DSG3: variants seen among roughly 807,000 people sequenced by gnomAD.
The protein encoded by DSG3 is desmoglein-3.
DSG3 carries 63 observed loss-of-function variants against 85.9 expected under a neutral mutation model. That is an observed-to-expected ratio of 0.73 (90% CI 0.60 to 0.90). The LOEUF (loss-of-function observed/expected upper bound fraction) is 0.90. Among genes scored for constraint, DSG3 ranks in the 40% least tolerant of loss-of-function variants. The probability of loss-of-function intolerance (pLI) is 0.00; values close to 1 mark genes in which losing one functional copy is unlikely to be tolerated. For missense variants in DSG3, 1,220 were observed against 1,219.9 expected (o/e 1.00, Z 0.00); for synonymous variants, 447 against 441.9 (o/e 1.01, Z -0.14).
chr18:31,474,367 C>A lies in DSG3; in HGVS notation c.2348C>A (p.Ala783Glu), dbSNP rs200927289. The A allele has an allele frequency of 2.5e-6, 4 of 1,610,004 alleles. No homozygotes were observed. Among genetic ancestry groups the A allele is most frequent in the Non-Finnish European group, 2.5e-6 (3 of 1,177,584 alleles). ...ACCAATAAGGACTACGCTGATGGGG[C>A]GATAAGCATGAATTTTCTGGACTCC... ...GGTNKDYADG[A>E]ISMNFLDSYF... The change falls in exon 15 of 16, where the codon GCG (alanine) becomes GAG (glutamate). Residue 783 changes from alanine (A) to glutamate (E), a missense_variant. Transcript: ENST00000257189.
Position 31,459,028 on chromosome 18 carries a change from C to T in DSG3, c.373-5C>T. 1.2e-6 allele frequency: 2 copies of T among 1,612,892 alleles called. No homozygotes were observed. Among genetic ancestry groups the T allele is most frequent in the Non-Finnish European group, 1.7e-6 (2 of 1,179,726 alleles). On this transcript the variant is annotated splice_region_variant and splice_polypyrimidine_tract_variant and intron_variant, in intron 4 of 15. Transcript: ENST00000257189. ...TAATACTCCACATTTTCCCTCTGTT[C>T]CTAGATCACATGTCGGGCTCTAAAT...
intron 12 of DSG3, among the ~76,000 whole-genome samples, chr18:31,470,024 G>A (rs532011828): frequency 8.6e-5 from 13 of 152,004 alleles, no homozygotes; most frequent in African/African-American, 2.4e-4. Flanking sequence ...AAAACTATGC[G>A]TAAGTATCCT....
At chr18:31,474,043 A>G (rs2072871110) in intron 14 of DSG3, 78 bp from the exon 15 acceptor site, 2 of 1,431,150 alleles carry the variant, frequency 1.4e-6, no homozygotes, top group Non-Finnish European at 1.9e-6. Flanking sequence ...GACTGCTTAT[A>G]GACACCCAAG....
chr18:31,469,492 GAAAGA>G, intron 12 of DSG3, 143 bp downstream of exon 12: 5 of 1,165,868 alleles, frequency 4.3e-6, no homozygotes, highest in Non-Finnish European at 5.9e-6. Flanking sequence ...GGCATTTTCA[GAAAGA>G]ATCTGAAATG....
intron 5 of DSG3, 128 bp downstream of exon 5, chr18:31,459,305 C>A: frequency 1.1e-6 from 1 of 919,534 alleles, no homozygotes; most frequent in Non-Finnish European, 1.6e-6. Context: ...AAATAAAATT[C>A]ATTAAGATAA....
intron 14 of DSG3, among the ~76,000 whole-genome samples, chr18:31,473,010 T>A (rs1211535729): frequency 6.6e-6 from 1 of 152,246 alleles, no homozygotes; most frequent in African/African-American, 2.4e-5. Flanking sequence ...GCCACCATTG[T>A]CAATATCTAA....
chr18:31,460,698 C>A, intron 6 of DSG3, 135 bp from the exon 7 acceptor site: 1 of 778,998 alleles, frequency 1.3e-6, no homozygotes, highest in Non-Finnish European at 1.9e-6. Context: ...GACCTCCACC[C>A]AACCATCCAG....
At position 31,465,382 on chromosome 18, in the gene DSG3, T is replaced by C. The variant is rs762581943; in HGVS notation, c.1336T>C (p.Phe446Leu). 5.8e-6 allele frequency: 9 copies of C among 1,550,546 alleles called. No homozygotes were observed. Among genetic ancestry groups the C allele is most frequent in the Non-Finnish European group, 8.7e-7 (1 of 1,148,688 alleles). The change falls in exon 10 of 16, where the codon TTT becomes CTT. Residue 446 changes from phenylalanine (F) to leucine (L), a missense_variant. Phe to Leu is a conservative substitution (Grantham distance 22). Coordinates refer to ENST00000257189, the MANE Select transcript of DSG3 (RefSeq NM_001944.3). ...TGATTCAAAAACTGCTGAAATCAAA[T>C]TTGTCAAAAATATGAACCGAGATTC... ...MIDSKTAEIKFVKNMNRDSTF... is the reference protein window; with the variant it reads ...MIDSKTAEIKLVKNMNRDSTF...
intron 12 of DSG3, among the ~76,000 whole-genome samples, chr18:31,470,506 A>T (rs763424180): frequency 2.6e-5 from 4 of 152,044 alleles, no homozygotes; most frequent in Non-Finnish European, 5.9e-5. Flanking sequence ...ACACTCAGAG[A>T]TTTGGTTTTT....
intron 3 of DSG3, among the ~76,000 whole-genome samples, chr18:31,457,587 TCTTTCTTTCTTTCTTTCTTTCTTTC>T (rs1366659602): frequency 9.2e-4 from 33 of 35,740 alleles, no homozygotes; most frequent in Non-Finnish European, 1.8e-3. Context: ...CTTTCTTTCT[TCTTTCTTTCTTTCTTTCTTTCTTTC>T]TTTCTTTCTT....
rs368581013 is a variant in DSG3, at chr18:31,455,567, A to G, written c.49-873A>G. Among the ~76,000 whole-genome samples the G allele has an allele frequency of 2.5e-4, 38 of 152,372 alleles. No individual in the cohort carries two copies. The East Asian group carries it at 6.7e-3, about 27-fold the overall frequency. ...GTGTTGTACAAACTCAGAAAAAGAGACATCAGTAAAGACAATTTCATGGAG... is the reference window on the plus strand; with the variant it reads ...GTGTTGTACAAACTCAGAAAAAGAGGCATCAGTAAAGACAATTTCATGGAG... On this transcript the variant is annotated intron_variant, in intron 1 of 15. Coordinates refer to ENST00000257189, the MANE Select transcript of DSG3 (RefSeq NM_001944.3).
Position 31,460,919 on chromosome 18 carries a change from G to A in DSG3, c.771G>A (p.Val257=). 1.2e-6 allele frequency: 2 copies of A among 1,604,814 alleles called. No homozygotes were observed. Among genetic ancestry groups the A allele is most frequent in the Non-Finnish European group, 1.7e-6 (2 of 1,177,474 alleles). The change falls in exon 7 of 16, where the codon GTG becomes GTA. Residue 257 remains valine (V), a synonymous_variant. Transcript: ENST00000257189. ...CTCAATGTGAATGTAATATTAAAGT[G>A]AAAGATGTCAACGATAACTTCCCAA... ...LSTQCECNIK[V]KDVNDNFPMF...
chr18:31,476,134 T>C lies in DSG3; in HGVS notation c.2874T>C (p.Asn958=), dbSNP rs2072885989. 1 of 1,614,052 alleles carries C rather than the reference T, an allele frequency of 6.2e-7. No individual in the cohort carries two copies. Among genetic ancestry groups the C allele is most frequent in the Non-Finnish European group, 8.5e-7 (1 of 1,180,042 alleles). ...GCTTTGATCCACTTCTCACACAAAATGTGATAGTGACAGAAAGGGTGATCT... is the reference window on the plus strand; with the variant it reads ...GCTTTGATCCACTTCTCACACAAAACGTGATAGTGACAGAAAGGGTGATCT... The part of the protein sequence containing the change: ...TAGFDPLLTQ[N]VIVTERVICP... Residue 958 remains asparagine, a synonymous_variant, in exon 16 of 16, where the codon AAT becomes AAC. Transcript: ENST00000257189.
In DSG3 at chr18:31,477,552, G is replaced by A. The variant is rs903280664; in HGVS notation, c.*1292G>A. The A allele has an allele frequency of 1.3e-5, 2 of 152,202 alleles. No individual in the cohort carries two copies. Among genetic ancestry groups the A allele is most frequent in the African/African-American group, 4.8e-5 (2 of 41,452 alleles). 9.4% of individuals were successfully genotyped at this position (152,202 alleles called of 1,614,324 possible). On this transcript the variant is annotated 3_prime_UTR_variant, in exon 16 of 16. Transcript: ENST00000257189. The stretch of plus-strand genomic sequence containing the variant: ...GGTGAAATAATTTTCAAGTCAAAAA[G>A]GGATATGGAAAGGGAATTATGAGTA...
Position 31,472,406 on chromosome 18 carries a change from G to A in DSG3, c.2020G>A (p.Ala674Thr), listed in dbSNP as rs2144244404. ...GTIHQWGIEGAHPEDKEITNI... is the reference protein window; with the variant it reads ...GTIHQWGIEGTHPEDKEITNI... ...AATTCATCAGTGGGGAATTGAAGGA[G>A]CCCATCCTGAAGACAAGGTAAGCAT... The change falls in exon 13 of 16, where the codon GCC becomes ACC. Residue 674 changes from alanine (A) to threonine (T), a missense_variant. By Grantham distance (58) the Ala-to-Thr change is moderately conservative. Transcript: ENST00000257189. 1.2e-6 allele frequency: 2 copies of A among 1,613,362 alleles called. No individual in the cohort carries two copies. The highest frequency in any genetic ancestry group is 8.5e-7 in the Non-Finnish European group (1 of 1,179,844).
At chr18:31,474,791 A>G (rs775884566) in intron 15 of DSG3, among the ~76,000 whole-genome samples, 6 of 152,244 alleles carry the variant, frequency 3.9e-5, no homozygotes, top group Non-Finnish European at 8.8e-5. Flanking sequence ...AAGAATGAGT[A>G]GATAACCACA....
intron 1 of DSG3, among the ~76,000 whole-genome samples, chr18:31,452,233 C>T (rs1386472557): frequency 6.6e-6 from 1 of 152,032 alleles, no homozygotes. Context: ...AAAAATGGCT[C>T]TTTTAGGCTG....
At chr18:31,456,325 A>T in intron 1 of DSG3, 115 bp from the exon 2 acceptor site, 1 of 734,604 alleles carries the variant, frequency 1.4e-6, no homozygotes, top group Non-Finnish European at 2.0e-6. Context: ...CTTCTTTTGA[A>T]ATAGAAACAA....
chr18:31,467,688 T>G (rs569043545), intron 11 of DSG3, among the ~76,000 whole-genome samples: 1 of 152,348 alleles, frequency 6.6e-6, no homozygotes, highest in South Asian at 2.1e-4. Flanking sequence ...GATTTTATAA[T>G]GACGATGAGA....
Sources: gnomAD v4.1 joint callset for allele counts (sites outside exome capture counted in the v4.1 genomes callset) on GRCh38, gnomAD v4.1.1 for gene constraint, MANE v1.5 for transcripts, NCBI Gene and HGNC (gene_info 2026-07-23, HGNC 2026-07-21) for gene names.